The following STAU1 variants were observed in gnomAD, a reference collection of about 807,000 sequenced individuals.
STAU1 encodes the protein staufen double-stranded RNA binding protein 1.
A neutral mutation model predicts 62.9 loss-of-function variants in STAU1; 13 were observed. The ratio of observed to expected loss-of-function variants is 0.21; its 90% CI spans 0.13 to 0.33. The LOEUF (loss-of-function observed/expected upper bound fraction) is 0.33. Among genes scored for constraint, STAU1 ranks in the 10% least tolerant of loss-of-function variants. The probability of loss-of-function intolerance (pLI) is 1.00; values close to 1 mark genes in which losing one functional copy is unlikely to be tolerated. For missense variants in STAU1, 571 were observed against 712.1 expected (o/e 0.80, Z 2.25); for synonymous variants, 269 against 265.1 (o/e 1.01, Z -0.14).
At chr20:49,149,943 C>T (rs2093212985) in intron 5 of STAU1, among the ~76,000 whole-genome samples, 1 of 152,210 alleles carries the variant, frequency 6.6e-6, no homozygotes, top group African/African-American at 2.4e-5. Context: ...GTGCAGGATC[C>T]TCCTGTTCTT....
intron 5 of STAU1, among the ~76,000 whole-genome samples, chr20:49,143,876 A>C (rs1448181825): frequency 2.0e-5 from 3 of 152,194 alleles, no homozygotes; most frequent in Non-Finnish European, 4.4e-5. Context: ...AAGGTCCTCT[A>C]TATGCAACTA....
chr20:49,198,675 C>T, the STAU1 span, among the ~76,000 whole-genome samples: 5 of 147,594 alleles, frequency 3.4e-5, no homozygotes, highest in African/African-American at 1.2e-4. Flanking sequence ...ACTAAAAATA[C>T]AAAAATGGCC....
At chr20:49,118,175 T>A in intron 10 of STAU1, 79 bp from the exon 11 acceptor site, 1 of 1,472,282 alleles carries the variant, frequency 6.8e-7, no homozygotes, top group Admixed American at 1.7e-5. Flanking sequence ...AACCCCACGC[T>A]GGCCCTCCCC....
the STAU1 span, among the ~76,000 whole-genome samples, chr20:49,216,060 A>G: frequency 1.3e-5 from 2 of 150,326 alleles, no homozygotes; most frequent in African/African-American, 4.9e-5. Flanking sequence ...AAAAAAAAGA[A>G]GAAGAGAAAA....
chr20:49,154,844 G>A (rs1405249043), intron 3 of STAU1, among the ~76,000 whole-genome samples: 1 of 151,828 alleles, frequency 6.6e-6, no homozygotes, highest in African/African-American at 2.4e-5. Flanking sequence ...CAGCACTTTG[G>A]AAGGCCGAGG....
At chr20:49,142,328 TCCACCCACCTCGG>T (rs2093027552) in intron 5 of STAU1, among the ~76,000 whole-genome samples, 1 of 152,092 alleles carries the variant, frequency 6.6e-6, no homozygotes, top group South Asian at 2.1e-4. Flanking sequence ...CCTCAGGTGA[TCCACCCACCTCGG>T]CCTCCCAAAG....
the STAU1 span, among the ~76,000 whole-genome samples, chr20:49,215,458 A>C: frequency 6.6e-6 from 1 of 152,128 alleles, no homozygotes; most frequent in Non-Finnish European, 1.5e-5. Context: ...AACAGCACCC[A>C]TAGGAAACTT....
At chr20:49,214,683 A>G in the STAU1 span, among the ~76,000 whole-genome samples, 3 of 152,128 alleles carry the variant, frequency 2.0e-5, no homozygotes, top group East Asian at 5.8e-4. Flanking sequence ...TCCAATGGGA[A>G]TAGCTCATAG....
Position 49,117,231 on chromosome 20 carries a change from G to C in STAU1, c.1527C>G (p.Phe509Leu). 6.2e-7 allele frequency: 1 copy of C among 1,614,164 alleles called. No homozygotes were observed. The highest frequency in any genetic ancestry group is 8.5e-7 in the Non-Finnish European group (1 of 1,180,012). ...CAAATTCGTTCTTGTTGTTTTTGGG[G>C]AAGTCTTTGTATTCAACCTAAGGGG... is the stretch of plus-strand genomic sequence containing the variant. ...VQGFQVEYKD[F>L]PKNNKNEFVS... Residue 509 changes from phenylalanine to leucine, a missense_variant, in exon 12 of 14, where the codon TTC becomes TTG. Phe to Leu is a conservative substitution (Grantham distance 22). This residue lies in a region of STAU1 where 156 missense variants were observed against 194.7 expected (regional missense o/e 0.80). Transcript: ENST00000371856. This position sits in a 1 kb window ranked among gnomAD's most constrained non-coding sequence, Gnocchi z 4.6.
At chr20:49,149,739 ATC>A (rs1343705235) in intron 5 of STAU1, among the ~76,000 whole-genome samples, 1 of 152,212 alleles carries the variant, frequency 6.6e-6, no homozygotes, top group Non-Finnish European at 1.5e-5. Flanking sequence ...GAAACAGATC[ATC>A]TGTTAGAATA....
the STAU1 span, among the ~76,000 whole-genome samples, chr20:49,213,977 C>T: frequency 2.2e-3 from 336 of 152,180 alleles, 2 homozygotes; most frequent in African/African-American, 7.7e-3. Flanking sequence ...TTTGGGAGGC[C>T]GAGGCGGGTG....
chr20:49,169,487 G>A (rs1600831594), intron 2 of STAU1, among the ~76,000 whole-genome samples: 2 of 152,176 alleles, frequency 1.3e-5, no homozygotes. Flanking sequence ...CTGTCCTGAA[G>A]ACTAAGTCCT....
intron 6 of STAU1, chr20:49,134,439 A>AAAAAAAAAAAAAAAAAAAG (rs1361837811): frequency 1.8e-6 from 1 of 565,366 alleles, no homozygotes; most frequent in African/African-American, 1.9e-5. Context: ...TCAGGGAAAA[A>AAAAAAAAAAAAAAAAAAAG]AAAAAAAAAA....
chr20:49,202,344 T>C, the STAU1 span, among the ~76,000 whole-genome samples: 1 of 151,988 alleles, frequency 6.6e-6, no homozygotes, highest in Admixed American at 6.6e-5. Flanking sequence ...GGCAGATCTC[T>C]TGAGGTCGGG....
intron 6 of STAU1, among the ~76,000 whole-genome samples, chr20:49,135,271 G>A (rs2092852895): frequency 2.0e-5 from 3 of 152,110 alleles, no homozygotes; most frequent in Admixed American, 6.6e-5. Flanking sequence ...TACCTCCCTC[G>A]TCCATTTGGA....
intron 2 of STAU1, among the ~76,000 whole-genome samples, chr20:49,166,529 C>T (rs995736181): frequency 3.9e-5 from 6 of 152,088 alleles, no homozygotes; most frequent in African/African-American, 1.4e-4. Flanking sequence ...ATTCATTATA[C>T]AAAGAGAATC....
intron 9 of STAU1, among the ~76,000 whole-genome samples, chr20:49,119,259 A>G (rs1470118643): frequency 1.3e-5 from 2 of 152,130 alleles, no homozygotes; most frequent in Non-Finnish European, 2.9e-5. Flanking sequence ...ATCACAGCTC[A>G]CTGCAGCCTT....
intron 5 of STAU1, among the ~76,000 whole-genome samples, chr20:49,147,756 A>G (rs902712833): frequency 6.6e-6 from 1 of 152,262 alleles, no homozygotes; most frequent in Non-Finnish European, 1.5e-5. Context: ...AACATTTTGT[A>G]GCCATTAGAA....
At chr20:49,178,490 T>C (rs1481071980) in intron 1 of STAU1, among the ~76,000 whole-genome samples, 3 of 152,160 alleles carry the variant, frequency 2.0e-5, no homozygotes, top group Non-Finnish European at 2.9e-5. Flanking sequence ...GACTCACACC[T>C]GTAATCCCAA....
Sources: allele counts gnomAD v4.1 joint callset (sites outside exome capture counted in the v4.1 genomes callset), GRCh38; gene constraint gnomAD v4.1.1; regional missense constraint gnomAD v4.1.1; non-coding constraint Gnocchi (gnomAD v3.1); transcripts MANE v1.5; gene names NCBI Gene and HGNC (gene_info 2026-07-23, HGNC 2026-07-21).